CCDC171: variants seen among roughly 807,000 people sequenced by gnomAD.
CCDC171 encodes coiled-coil domain containing 171.
Under a neutral mutation model 168.2 loss-of-function variants are expected in CCDC171, and 177 were observed. The observed-to-expected ratio is 1.05, with a 90% CI of 0.93 to 1.19. The LOEUF (loss-of-function observed/expected upper bound fraction) is 1.19, where lower values mean the gene tolerates loss of function less well. Ranked by LOEUF, CCDC171 falls within the 50% of genes most tolerant of loss-of-function variation. CCDC171 has a pLI of 0.00. For synonymous variants in CCDC171, 687 were observed against 540.8 expected, an observed-to-expected ratio of 1.27 and a Z score of -3.75; for missense variants, 1,991 against 1,539.0, an observed-to-expected ratio of 1.29 and a Z score of -4.91.
At chr9:15,919,616 A>C (rs1282663458) in intron 24 of CCDC171, among the ~76,000 whole-genome samples, 1 of 151,628 alleles carries the variant, frequency 6.6e-6, no homozygotes, top group African/African-American at 2.4e-5. Flanking sequence ...AATTCTATAA[A>C]ATATGATTAA....
chr9:15,979,516 C>G (rs1472208427), intron 3 of CCDC171, among the ~76,000 whole-genome samples: 2 of 152,050 alleles, frequency 1.3e-5, no homozygotes, highest in African/African-American at 4.8e-5. Flanking sequence ...TTCAATTTGT[C>G]AAATATTTTT....
intron 24 of CCDC171, among the ~76,000 whole-genome samples, chr9:15,901,917 C>G (rs1821722594): frequency 6.6e-6 from 1 of 152,096 alleles, no homozygotes. Context: ...AGATGAGAGA[C>G]TTTAAAATCT....
chr9:15,696,467 C>A (rs2051224340), intron 11 of CCDC171, among the ~76,000 whole-genome samples: 2 of 152,130 alleles, frequency 1.3e-5, no homozygotes, highest in South Asian at 2.1e-4. Context: ...TTATCATGGA[C>A]AAATCAAAAG....
intron 18 of CCDC171, among the ~76,000 whole-genome samples, chr9:15,770,015 CA>C (rs546443185): frequency 6.6e-5 from 10 of 151,964 alleles, no homozygotes; most frequent in South Asian, 2.1e-4. Context: ...GACTTTAGGA[CA>C]AAAAAACTTA....
At chr9:15,601,531 C>T (rs1472751619) in intron 6 of CCDC171, among the ~76,000 whole-genome samples, 1 of 152,168 alleles carries the variant, frequency 6.6e-6, no homozygotes, top group Non-Finnish European at 1.5e-5. Flanking sequence ...CTCGTTCATT[C>T]ATTCTCTAAG....
chr9:15,944,532 A>G (rs1296957116), intron 25 of CCDC171, among the ~76,000 whole-genome samples: 4 of 151,898 alleles, frequency 2.6e-5, no homozygotes, highest in African/African-American at 9.7e-5. Flanking sequence ...TCTTATGGGG[A>G]TATATTATTT....
chr9:15,706,805 T>C (rs2052276212), intron 11 of CCDC171, among the ~76,000 whole-genome samples: 1 of 152,170 alleles, frequency 6.6e-6, no homozygotes, highest in Non-Finnish European at 1.5e-5. Flanking sequence ...TGTAATACTC[T>C]AGAGGTGTTC....
intron 1 of CCDC171, among the ~76,000 whole-genome samples, chr9:16,049,350 G>C (rs1280006069): frequency 6.6e-6 from 1 of 152,144 alleles, no homozygotes; most frequent in Non-Finnish European, 1.5e-5. Flanking sequence ...CTAAAAACCT[G>C]GTAAAGCATT....
intron 18 of CCDC171, among the ~76,000 whole-genome samples, chr9:15,752,729 C>A (rs1490449744): frequency 6.6e-6 from 1 of 151,992 alleles, no homozygotes; most frequent in Non-Finnish European, 1.5e-5. Flanking sequence ...ACATCACACA[C>A]CAGGGCTTGT....
Position 15,727,850 on chromosome 9 carries a change from T to C in CCDC171, c.1693-19T>C. ...ATGTTTATATACAGCAATTAATTTT[T>C]CTTTTTTTTTTCCTGCAGGAGAAGC... is the stretch of plus-strand genomic sequence containing the variant. On this transcript the variant is annotated intron_variant, in intron 14 of 25. Coordinates refer to ENST00000380701, the MANE Select transcript of CCDC171 (RefSeq NM_173550.4). 3 of 1,586,826 alleles carry C rather than the reference T, an allele frequency of 1.9e-6. No homozygotes were observed. Among genetic ancestry groups the C allele is most frequent in the Non-Finnish European group, 2.6e-6 (3 of 1,165,248 alleles).
intron 21 of CCDC171, among the ~76,000 whole-genome samples, chr9:15,827,771 T>C (rs2060074791): frequency 1.3e-5 from 2 of 152,180 alleles, no homozygotes; most frequent in African/African-American, 2.4e-5. Flanking sequence ...CCACTTGAGT[T>C]CAAAGACCTT....
chr9:15,774,088 A>G (rs2057163439), intron 18 of CCDC171, among the ~76,000 whole-genome samples: 1 of 151,848 alleles, frequency 6.6e-6, no homozygotes, highest in Non-Finnish European at 1.5e-5. Context: ...TCTACTAAAA[A>G]TATAAAAATT....
the CCDC171 span, among the ~76,000 whole-genome samples, chr9:16,100,410 AG>A: frequency 1.3e-5 from 2 of 152,096 alleles, no homozygotes; most frequent in African/African-American, 4.8e-5. Flanking sequence ...CTCAGGATAA[AG>A]GGTGGGGGGT....
At chr9:15,813,407 G>C (rs549506893) in intron 21 of CCDC171, among the ~76,000 whole-genome samples, 1 of 152,266 alleles carries the variant, frequency 6.6e-6, no homozygotes, top group South Asian at 2.1e-4. Flanking sequence ...TGGAATTTAT[G>C]TGACCAAAAC....
intron 23 of CCDC171, among the ~76,000 whole-genome samples, chr9:15,852,858 T>A (rs1371209573): frequency 6.6e-6 from 1 of 151,648 alleles, no homozygotes; most frequent in South Asian, 2.1e-4. Context: ...AATGATCATG[T>A]TGAATCATTC....
intron 25 of CCDC171, among the ~76,000 whole-genome samples, chr9:15,965,256 A>G (rs751297576): frequency 1.3e-5 from 2 of 152,208 alleles, no homozygotes; most frequent in Non-Finnish European, 2.9e-5. Flanking sequence ...CAAAATATAA[A>G]CATTTCTTTT....
intron 7 of CCDC171, among the ~76,000 whole-genome samples, chr9:15,640,516 G>T (rs1468741268): frequency 1.3e-5 from 2 of 152,060 alleles, no homozygotes; most frequent in African/African-American, 2.4e-5. Flanking sequence ...ATACACGAGA[G>T]TTCTTTGAAA....
chr9:15,993,857 C>G (rs951567121), intron 3 of CCDC171, among the ~76,000 whole-genome samples: 1 of 152,176 alleles, frequency 6.6e-6, no homozygotes, highest in African/African-American at 2.4e-5. Flanking sequence ...CACTGGCCAT[C>G]AGAGAAATGC....
chr9:15,708,674 CA>C (rs371224916), intron 11 of CCDC171, among the ~76,000 whole-genome samples: 6 of 144,328 alleles, frequency 4.2e-5, no homozygotes, highest in Admixed American at 1.4e-4. Flanking sequence ...GGAATCAAGA[CA>C]AAAAAAAAAC....
Sources: allele counts gnomAD v4.1 joint callset (sites outside exome capture counted in the v4.1 genomes callset), GRCh38; gene constraint gnomAD v4.1.1; transcripts MANE v1.5; gene names NCBI Gene and HGNC (gene_info 2026-07-23, HGNC 2026-07-21).